The following AHCYL2 variants were observed in gnomAD, a reference collection of about 807,000 sequenced individuals.
AHCYL2 encodes the protein adenosylhomocysteinase like 2, also known as S-adenosylhomocysteine hydrolase-like protein 2.
AHCYL2 carries 28 observed loss-of-function variants against 81.4 expected under a neutral mutation model. The ratio of observed to expected loss-of-function variants is 0.34; its 90% CI spans 0.25 to 0.47. The LOEUF is 0.47. Among genes scored for constraint, AHCYL2 ranks in the 20% least tolerant of loss-of-function variants. AHCYL2 has a pLI of 1.00. For synonymous variants in AHCYL2, 272 were observed against 290.2 expected (o/e 0.94, Z 0.64); for missense variants, 551 against 785.1 (o/e 0.70, Z 3.56).
At chr7:129,250,428 G>A (rs139893864) in intron 1 of AHCYL2, among the ~76,000 whole-genome samples, 87 of 152,302 alleles carry the variant, frequency 5.7e-4, no homozygotes, top group South Asian at 8.3e-4. Context: ...TGTGTATTTA[G>A]TTTTTTGAAG....
rs1186782712 is a variant in AHCYL2 at position 129,285,777 on chromosome 7, C to T, written c.363+60338C>T. On this transcript the variant is annotated intron_variant, in intron 1 of 16. Coordinates refer to ENST00000325006, the MANE Select transcript of AHCYL2 (RefSeq NM_015328.4). Reference sequence around the variant, plus strand: ...TGCAGTGGCACGATCTCAACCTCCACCTTGCTAACTGCAACCTTCACCTCC... The same window carrying T: ...TGCAGTGGCACGATCTCAACCTCCATCTTGCTAACTGCAACCTTCACCTCC... 2.7e-5 allele frequency among the ~76,000 whole-genome samples: 4 copies of T among 148,196 alleles called. No homozygotes were observed. In the Admixed American group the frequency reaches 2.7e-4, roughly 10 times the overall value.
At chr7:129,299,405 T>C (rs1206709057) in intron 1 of AHCYL2, among the ~76,000 whole-genome samples, 9 of 79,180 alleles carry the variant, frequency 1.1e-4, no homozygotes, top group African/African-American at 4.8e-4. Flanking sequence ...TTTTTTTTTT[T>C]TTTTTTGAGA....
intron 1 of AHCYL2, among the ~76,000 whole-genome samples, chr7:129,290,602 A>G (rs1796810965): frequency 6.6e-6 from 1 of 151,974 alleles, no homozygotes; most frequent in South Asian, 2.1e-4. Context: ...GTAAAAAATA[A>G]TATGGTTGCA....
intron 1 of AHCYL2, among the ~76,000 whole-genome samples, chr7:129,258,690 G>A (rs187306816): frequency 2.8e-4 from 42 of 151,780 alleles, no homozygotes; most frequent in African/African-American, 8.5e-4. Flanking sequence ...AGTTCCTATC[G>A]TAAGCAATTT....
chr7:129,424,497 T>TG (rs1797267106), intron 13 of AHCYL2, among the ~76,000 whole-genome samples: 1 of 152,200 alleles, frequency 6.6e-6, no homozygotes, highest in Non-Finnish European at 1.5e-5. Context: ...TGGATTTGAC[T>TG]GATCATTGTT....
chr7:129,404,287 TTC>T (rs1469619957), intron 7 of AHCYL2, among the ~76,000 whole-genome samples: 1 of 152,124 alleles, frequency 6.6e-6, no homozygotes, highest in East Asian at 1.9e-4. Context: ...TGAGTAATAA[TTC>T]TCTGAGTAAA....
chr7:129,424,425 T>G (rs1797263153), intron 13 of AHCYL2, among the ~76,000 whole-genome samples: 1 of 151,468 alleles, frequency 6.6e-6, no homozygotes, highest in Non-Finnish European at 1.5e-5. Flanking sequence ...AATCAATCAA[T>G]CAATCATCAC....
chr7:129,236,874 T>C (rs1794662481), intron 1 of AHCYL2, among the ~76,000 whole-genome samples: 1 of 152,208 alleles, frequency 6.6e-6, no homozygotes, highest in African/African-American at 2.4e-5. Flanking sequence ...TAATTCCCTG[T>C]TCATATTCAT....
In AHCYL2 at chr7:129,427,638, C is replaced by T. The variant is rs1241077487; in HGVS notation, c.*593C>T. The T allele has an allele frequency of 6.5e-6, 1 of 152,674 alleles. No individual in the cohort carries two copies. The highest frequency in any genetic ancestry group is 2.4e-5 in the African/African-American group (1 of 41,440). 9.5% of individuals were successfully genotyped at this position (152,674 alleles called of 1,614,324 possible). A position where few individuals can be genotyped will look rare whatever the true frequency, so the allele number is the denominator to read the frequency against. On this transcript the variant is annotated 3_prime_UTR_variant, in exon 17 of 17. Coordinates refer to ENST00000325006, the MANE Select transcript of AHCYL2 (RefSeq NM_015328.4). The surrounding 1 kb of genome is among the most constrained non-coding windows in gnomAD (Gnocchi z 5.5). ...CAGCTGTGCTGTGCCTACCAGGGGT[C>T]TCCTTTCTTACCCAGGACTCCTTTC...
intron 1 of AHCYL2, among the ~76,000 whole-genome samples, chr7:129,291,633 T>G (rs1404376406): frequency 2.6e-5 from 4 of 151,442 alleles, no homozygotes; most frequent in African/African-American, 9.7e-5. Flanking sequence ...GACAGGGTCT[T>G]GCTGTGTCAC....
chr7:129,300,666 G>A (rs1015612467), intron 1 of AHCYL2, among the ~76,000 whole-genome samples: 1 of 152,198 alleles, frequency 6.6e-6, no homozygotes, highest in Non-Finnish European at 1.5e-5. Flanking sequence ...ATGTCCAACA[G>A]TGGGATTGCT....
chr7:129,304,106 A>C (rs553128812), intron 1 of AHCYL2, among the ~76,000 whole-genome samples: 6 of 152,284 alleles, frequency 3.9e-5, no homozygotes, highest in African/African-American at 1.4e-4. Flanking sequence ...CTTCCCTCTT[A>C]GTACTGCTTT....
At chr7:129,257,004 C>A (rs2150710709) in intron 1 of AHCYL2, among the ~76,000 whole-genome samples, 1 of 152,100 alleles carries the variant, frequency 6.6e-6, no homozygotes, top group Non-Finnish European at 1.5e-5. Flanking sequence ...TTGACATGAT[C>A]CTTTTGAGCA....
intron 1 of AHCYL2, among the ~76,000 whole-genome samples, chr7:129,228,449 G>A (rs73721564): frequency 3.3e-3 from 508 of 152,236 alleles, no homozygotes; most frequent in African/African-American, 0.012. Context: ...GATGCTCTGG[G>A]GGCCAGATCA....
At chr7:129,398,601 A>T (rs1347817797) in intron 5 of AHCYL2, among the ~76,000 whole-genome samples, 2 of 149,522 alleles carry the variant, frequency 1.3e-5, no homozygotes, top group African/African-American at 4.9e-5. Flanking sequence ...CTGGTCTCGA[A>T]CTCCTGACCT....
At chr7:129,308,577 T>C (rs184015969) in intron 1 of AHCYL2, among the ~76,000 whole-genome samples, 6 of 152,366 alleles carry the variant, frequency 3.9e-5, no homozygotes, top group Non-Finnish European at 7.3e-5. Context: ...GCTTTTTTTG[T>C]GTAGATAGTT....
At position 129,409,499 on chromosome 7, in the gene AHCYL2, A is replaced by C; in HGVS notation, c.1319A>C (p.Lys440Thr). 1 of 1,613,880 alleles carries C rather than the reference A, an allele frequency of 6.2e-7. No individual in the cohort carries two copies. The highest frequency in any genetic ancestry group is 8.5e-7 in the Non-Finnish European group (1 of 1,179,896). Reference sequence around the variant, plus strand: ...AGTATGGATGGATTTCGACTGGTGAAATTAAATGAGGTCATCCGACAAGTG... The same window carrying C: ...AGTATGGATGGATTTCGACTGGTGACATTAAATGAGGTCATCCGACAAGTG... ...QACMDGFRLV[K>T]LNEVIRQVDI... The change falls in exon 11 of 17, where the codon AAA becomes ACA. Residue 440 changes from lysine to threonine, a missense_variant. By Grantham distance (78) the Lys-to-Thr change is moderately conservative. Coordinates refer to ENST00000325006, the MANE Select transcript of AHCYL2 (RefSeq NM_015328.4).
At chr7:129,256,431 G>C (rs1039838715) in intron 1 of AHCYL2, among the ~76,000 whole-genome samples, 1 of 151,224 alleles carries the variant, frequency 6.6e-6, no homozygotes, top group Non-Finnish European at 1.5e-5. Context: ...ATACTTTTTT[G>C]TCTTTCCTTG....
At chr7:129,298,688 A>G (rs546919257) in intron 1 of AHCYL2, among the ~76,000 whole-genome samples, 3 of 152,192 alleles carry the variant, frequency 2.0e-5, no homozygotes, top group East Asian at 1.9e-4. Context: ...AAAGCAGCAC[A>G]TTTGCAGTGT....
Sources: gnomAD v4.1 joint callset for allele counts (sites outside exome capture counted in the v4.1 genomes callset) on GRCh38, gnomAD v4.1.1 for gene constraint, Gnocchi (gnomAD v3.1) non-coding constraint, MANE v1.5 for transcripts, NCBI Gene and HGNC (gene_info 2026-07-23, HGNC 2026-07-21) for gene names.